The following PCSK5 variants were observed in gnomAD, a reference collection of about 807,000 sequenced individuals.
PCSK5 encodes the protein prohormone convertase 5.
In PCSK5, 129 loss-of-function variants were observed where a neutral mutation model predicts 233.2. The observed-to-expected ratio is 0.55, with a 90% confidence interval of 0.48 to 0.64. The LOEUF is 0.64. PCSK5 is among the 30% of genes least tolerant of loss of function. The pLI is 0.00. For synonymous variants in PCSK5, 825 were observed against 879.2 expected, an observed-to-expected ratio of 0.94 and a Z score of 1.09; for missense variants, 2,076 against 2,430.1, an observed-to-expected ratio of 0.85 and a Z score of 3.06.
At chr9:76,202,767 G>A (rs1342647875) in intron 20 of PCSK5, among the ~76,000 whole-genome samples, 1 of 152,132 alleles carries the variant, frequency 6.6e-6, no homozygotes, top group African/African-American at 2.4e-5. Flanking sequence ...TTTCTAGGAA[G>A]CCTCTACATT....
intron 7 of PCSK5, among the ~76,000 whole-genome samples, chr9:76,084,476 A>G (rs1368573022): frequency 6.6e-6 from 1 of 152,176 alleles, no homozygotes; most frequent in Non-Finnish European, 1.5e-5. Context: ...CCTCTGTTAG[A>G]CTATTCTACT....
At chr9:75,901,941 C>T (rs56088297) in intron 1 of PCSK5, among the ~76,000 whole-genome samples, 20,898 of 152,018 alleles carry the variant, frequency 0.14, 1,734 homozygotes, top group Middle Eastern at 0.18. Flanking sequence ...ACAGGCTGGG[C>T]GTGGTGGCTC....
At chr9:76,270,479 T>A (rs998445342) in intron 24 of PCSK5, among the ~76,000 whole-genome samples, 3 of 152,208 alleles carry the variant, frequency 2.0e-5, no homozygotes, top group African/African-American at 7.2e-5. Context: ...AGGATTGTTC[T>A]GTTTTGCTCC....
At chr9:76,085,823 A>T (rs1019439988) in intron 7 of PCSK5, among the ~76,000 whole-genome samples, 3 of 152,192 alleles carry the variant, frequency 2.0e-5, no homozygotes, top group African/African-American at 7.2e-5. Flanking sequence ...ACTTGGAACC[A>T]CTTCACAGTG....
intron 24 of PCSK5, among the ~76,000 whole-genome samples, chr9:76,248,020 G>A (rs897985795): frequency 3.9e-5 from 6 of 152,142 alleles, no homozygotes; most frequent in South Asian, 2.1e-4. Flanking sequence ...TCCTGACCTC[G>A]TGGTCCGCCA....
chr9:76,243,242 A>T (rs970092379), intron 24 of PCSK5, among the ~76,000 whole-genome samples: 2 of 152,236 alleles, frequency 1.3e-5, no homozygotes, highest in Non-Finnish European at 2.9e-5. Context: ...TTCATTACTT[A>T]AGAAACTTTG....
chr9:76,093,805 ATTCT>A (rs976568700), intron 7 of PCSK5, among the ~76,000 whole-genome samples: 13 of 152,202 alleles, frequency 8.5e-5, no homozygotes, highest in African/African-American at 2.6e-4. Flanking sequence ...GAGTTGGAAC[ATTCT>A]TTCTTTCCCT....
chr9:76,323,815 G>T (rs1035529348), intron 32 of PCSK5, among the ~76,000 whole-genome samples: 1 of 152,134 alleles, frequency 6.6e-6, no homozygotes, highest in Non-Finnish European at 1.5e-5. Context: ...ATCATATAAA[G>T]ATTTACAGCA....
intron 6 of PCSK5, among the ~76,000 whole-genome samples, chr9:76,068,564 C>T (rs2131596917): frequency 6.6e-6 from 1 of 152,172 alleles, no homozygotes; most frequent in South Asian, 2.1e-4. Context: ...GATACTATTT[C>T]CATGAATGAT....
chr9:76,125,685 TAAGA>T (rs1832820665), intron 9 of PCSK5, among the ~76,000 whole-genome samples: 1 of 152,122 alleles, frequency 6.6e-6, no homozygotes, highest in African/African-American at 2.4e-5. Flanking sequence ...TCTTCTGTAG[TAAGA>T]AAGAGGGTTG....
At chr9:76,095,391 A>G (rs1271629971) in intron 7 of PCSK5, among the ~76,000 whole-genome samples, 1 of 152,244 alleles carries the variant, frequency 6.6e-6, no homozygotes, top group East Asian at 1.9e-4. Flanking sequence ...ATTTTAAACA[A>G]TAGTGCATAA....
At chr9:76,193,485 T>C (rs1208918983) in intron 20 of PCSK5, 5 of 689,168 alleles carry the variant, frequency 7.3e-6, no homozygotes, top group Non-Finnish European at 1.1e-5. Context: ...TTTTTCTTTC[T>C]CTCTCTCTCA....
intron 15 of PCSK5, among the ~76,000 whole-genome samples, chr9:76,180,171 C>T (rs781147064): frequency 6.6e-6 from 1 of 151,340 alleles, no homozygotes; most frequent in Non-Finnish European, 1.5e-5. Flanking sequence ...TTAACATATG[C>T]ATTAGCTCAC....
At chr9:75,897,223 G>A (rs1337640084) in intron 1 of PCSK5, among the ~76,000 whole-genome samples, 1 of 152,174 alleles carries the variant, frequency 6.6e-6, no homozygotes, top group Non-Finnish European at 1.5e-5. Context: ...ACTCAGAAGA[G>A]AATAACAACA....
At chr9:76,258,272 AG>A (rs1827048331) in intron 24 of PCSK5, among the ~76,000 whole-genome samples, 1 of 152,230 alleles carries the variant, frequency 6.6e-6, no homozygotes, top group South Asian at 2.1e-4. Context: ...AATAATTGCT[AG>A]TAACCTGGAT....
chr9:75,927,522 T>A lies in PCSK5; in HGVS notation c.193-4857T>A, dbSNP rs180713077. On this transcript the variant is annotated intron_variant, in intron 1 of 37. Transcript: ENST00000674117. ...TCCTTAGTCTTGGGTAAACTGTCTG[T>A]GGGGGTTGGCTGGTCACCTTGCATA... 6.0e-4 allele frequency among the ~76,000 whole-genome samples: 92 copies of A among 152,204 alleles called. 1 individual carries two copies. Among genetic ancestry groups the A allele is most frequent in the African/African-American group, 2.1e-3 (88 of 41,532 alleles).
intron 1 of PCSK5, 113 bp from the exon 2 acceptor site, chr9:75,932,266 A>G (rs1381948004): frequency 2.7e-5 from 18 of 665,020 alleles, no homozygotes; most frequent in Non-Finnish European, 2.9e-5. Context: ...TGCATAATTT[A>G]TGGACCTTTT....
At chr9:75,903,588 A>ATAT in intron 1 of PCSK5, among the ~76,000 whole-genome samples, 1 of 114,760 alleles carries the variant, frequency 8.7e-6, no homozygotes, top group South Asian at 2.2e-4. Context: ...ATATATATAT[A>ATAT]AAATATATAT....
intron 2 of PCSK5, among the ~76,000 whole-genome samples, chr9:75,968,097 A>T (rs954277489): frequency 3.3e-5 from 5 of 152,210 alleles, no homozygotes; most frequent in South Asian, 2.1e-4. Context: ...GCCAGCAATT[A>T]ATAAGTTATC....
Sources: allele counts gnomAD v4.1 joint callset (sites outside exome capture counted in the v4.1 genomes callset), GRCh38; gene constraint gnomAD v4.1.1; transcripts MANE v1.5; gene names NCBI Gene and HGNC (gene_info 2026-07-23, HGNC 2026-07-21).